The following CERS6 variants were observed in gnomAD, a reference collection of about 807,000 sequenced individuals.
CERS6 encodes ceramide synthase 6.
CERS6 carries 26 observed loss-of-function variants against 56.8 expected under a neutral mutation model. The ratio of observed to expected loss-of-function variants is 0.46; its 90% CI spans 0.34 to 0.63. The LOEUF (loss-of-function observed/expected upper bound fraction) is 0.63, where lower values mean the gene tolerates loss of function less well. Among genes scored for constraint, CERS6 ranks in the 30% least tolerant of loss-of-function variants. The pLI, the probability that CERS6 is intolerant of heterozygous loss-of-function variation, is 0.01. For missense variants in CERS6, 415 were observed against 467.5 expected (o/e 0.89, Z 1.04); for synonymous variants, 164 against 173.3 (o/e 0.95, Z 0.42).
intron 1 of CERS6, among the ~76,000 whole-genome samples, chr2:168,516,003 T>C (rs1240203955): frequency 6.6e-6 from 1 of 152,220 alleles, no homozygotes; most frequent in Non-Finnish European, 1.5e-5. Flanking sequence ...CAAATGTTTG[T>C]ATTGACAGCT....
chr2:168,608,123 T>C (rs954653443), intron 3 of CERS6, among the ~76,000 whole-genome samples: 1 of 152,360 alleles, frequency 6.6e-6, no homozygotes, highest in Non-Finnish European at 1.5e-5. Context: ...TCAGAACATT[T>C]CATATAAGTG....
rs79116417 is a variant in CERS6, at chr2:168,739,745, A to G, written c.845+21767A>G. Among the ~76,000 whole-genome samples the G allele has an allele frequency of 6.5e-3, 993 of 152,058 alleles. 10 individuals are homozygous for G. Among genetic ancestry groups the G allele is most frequent in the Middle Eastern group, 0.044 (13 of 294 alleles). On this transcript the variant is annotated intron_variant, in intron 8 of 9. Coordinates refer to ENST00000305747, the MANE Select transcript of CERS6 (RefSeq NM_203463.3). ...CTGCCTTCTGTGGTATGAAGAAGAA[A>G]GGAACTTTTTTTTTTTTTGAGACAG... is the stretch of plus-strand genomic sequence containing the variant.
At chr2:168,731,014 A>G (rs1391116455) in intron 8 of CERS6, among the ~76,000 whole-genome samples, 1 of 152,212 alleles carries the variant, frequency 6.6e-6, no homozygotes, top group Non-Finnish European at 1.5e-5. Context: ...GACCAGACTG[A>G]AACAATTCCA....
chr2:168,735,321 T>G (rs1683677583), intron 8 of CERS6, among the ~76,000 whole-genome samples: 1 of 152,108 alleles, frequency 6.6e-6, no homozygotes, highest in Non-Finnish European at 1.5e-5. Flanking sequence ...AAGCAACTGA[T>G]CAATTAAGGT....
chr2:168,574,798 GC>G (rs1683217725), intron 3 of CERS6, among the ~76,000 whole-genome samples: 1 of 152,164 alleles, frequency 6.6e-6, no homozygotes, highest in African/African-American at 2.4e-5. Context: ...TTAGTACCAT[GC>G]CTTTTATCGG....
At chr2:168,656,155 C>G (rs1390441238) in intron 4 of CERS6, among the ~76,000 whole-genome samples, 2 of 152,196 alleles carry the variant, frequency 1.3e-5, no homozygotes, top group Admixed American at 6.5e-5. Flanking sequence ...GTGGCAGCCA[C>G]TTATTCCAAG....
intron 9 of CERS6, chr2:168,766,196 A>C (rs540564923): frequency 2.5e-6 from 2 of 798,378 alleles, no homozygotes; most frequent in South Asian, 2.9e-5. Context: ...AGTGGACTTG[A>C]GGTTGATTCG....
chr2:168,535,911 G>A (rs1695254986), intron 1 of CERS6, among the ~76,000 whole-genome samples: 1 of 151,610 alleles, frequency 6.6e-6, no homozygotes, highest in Non-Finnish European at 1.5e-5. Flanking sequence ...TGAATATCTT[G>A]TTGTATGTTT....
At chr2:168,680,902 C>G (rs1686199203) in intron 4 of CERS6, among the ~76,000 whole-genome samples, 1 of 152,164 alleles carries the variant, frequency 6.6e-6, no homozygotes, top group South Asian at 2.1e-4. Flanking sequence ...GACCAAGTGC[C>G]TTTTCATGTA....
At chr2:168,618,849 C>T (rs990843007) in intron 3 of CERS6, among the ~76,000 whole-genome samples, 7 of 152,054 alleles carry the variant, frequency 4.6e-5, no homozygotes, top group African/African-American at 1.7e-4. Flanking sequence ...CAAAATACTA[C>T]CATCATTCTT....
intron 3 of CERS6, among the ~76,000 whole-genome samples, chr2:168,593,614 A>T (rs1006583767): frequency 1.3e-5 from 2 of 152,172 alleles, no homozygotes; most frequent in African/African-American, 4.8e-5. Context: ...ATATTAGCCC[A>T]TTCTCTGTCA....
intron 1 of CERS6, among the ~76,000 whole-genome samples, chr2:168,472,583 A>G (rs76975118): frequency 0.044 from 6,680 of 152,274 alleles, 279 homozygotes; most frequent in African/African-American, 0.11. Context: ...TTAATAAAGA[A>G]ATTACTGAAA....
rs1356664512 is a variant in CERS6 at position 168,573,688 on chromosome 2, C to T, written c.407+12366C>T. 2.0e-5 allele frequency among the ~76,000 whole-genome samples: 3 copies of T among 152,008 alleles called. No individual in the cohort carries two copies. In the East Asian group the frequency reaches 5.8e-4, roughly 29 times the overall value. Reference sequence around the variant, plus strand: ...CTTTGGTGCTCATTATCAGTGGAACCCAGCTTTCATGCAGATCTGTCATGG... The same window carrying T: ...CTTTGGTGCTCATTATCAGTGGAACTCAGCTTTCATGCAGATCTGTCATGG... On this transcript the variant is annotated intron_variant, in intron 3 of 9. Transcript: ENST00000305747.
intron 6 of CERS6, among the ~76,000 whole-genome samples, chr2:168,710,761 A>G (rs1047453842): frequency 6.6e-6 from 1 of 152,278 alleles, no homozygotes; most frequent in Admixed American, 6.5e-5. Flanking sequence ...TCAGAATTTC[A>G]GAAGTAGGTA....
chr2:168,659,228 T>C (rs751744968), intron 4 of CERS6, among the ~76,000 whole-genome samples: 9 of 152,236 alleles, frequency 5.9e-5, no homozygotes, highest in Non-Finnish European at 1.2e-4. Flanking sequence ...TACCTTCACT[T>C]TTCTTTTAAT....
intron 1 of CERS6, among the ~76,000 whole-genome samples, chr2:168,539,717 C>T (rs941874204): frequency 2.6e-5 from 4 of 152,198 alleles, no homozygotes; most frequent in African/African-American, 9.7e-5. Context: ...ATGCTAGCCA[C>T]GGCACACCAT....
intron 5 of CERS6, among the ~76,000 whole-genome samples, chr2:168,693,437 G>A: frequency 6.6e-6 from 1 of 152,040 alleles, no homozygotes; most frequent in Non-Finnish European, 1.5e-5. Flanking sequence ...CTTTCCCCAG[G>A]TGGTGATGTG....
At chr2:168,729,474 A>G (rs1683456558) in intron 8 of CERS6, among the ~76,000 whole-genome samples, 1 of 152,108 alleles carries the variant, frequency 6.6e-6, no homozygotes, top group Admixed American at 6.5e-5. Flanking sequence ...TTCCACTCCC[A>G]TCCATGCTGA....
rs1285272217 is a variant in CERS6 at position 168,774,476 on chromosome 2, G to A, written c.*4814G>A. On this transcript the variant is annotated 3_prime_UTR_variant, in exon 10 of 10. Coordinates refer to ENST00000305747, the MANE Select transcript of CERS6 (RefSeq NM_203463.3). ...CAGGTCCATGAAAGTTTGGCTTCCT[G>A]GTTTGATGTCTGTTGCGTGGCCTGG... 2.0e-5 allele frequency: 3 copies of A among 152,084 alleles called. No individual in the cohort carries two copies. The highest frequency in any genetic ancestry group is 7.2e-5 in the African/African-American group (3 of 41,394). The allele number at this position is 152,084 out of a possible 1,614,324, so 9.4% of individuals were successfully genotyped here.
Sources: allele counts gnomAD v4.1 joint callset (sites outside exome capture counted in the v4.1 genomes callset), GRCh38; gene constraint gnomAD v4.1.1; transcripts MANE v1.5; gene names NCBI Gene and HGNC (gene_info 2026-07-23, HGNC 2026-07-21).